The following ZNF385D variants were observed in gnomAD, a reference collection of about 807,000 sequenced individuals.
The protein encoded by ZNF385D is zinc finger protein 659.
A neutral mutation model predicts 35.8 loss-of-function variants in ZNF385D; 15 were observed. That is an observed-to-expected ratio of 0.42 (90% CI 0.28 to 0.64). The LOEUF (loss-of-function observed/expected upper bound fraction) is 0.64, where lower values mean the gene tolerates loss of function less well. Among genes scored for constraint, ZNF385D ranks in the 30% least tolerant of loss-of-function variants. The probability of loss-of-function intolerance (pLI) is 0.23; values close to 1 mark genes in which losing one functional copy is unlikely to be tolerated. For missense variants in ZNF385D, 474 were observed against 494.6 expected (o/e 0.96, Z 0.39); for synonymous variants, 212 against 186.8 (o/e 1.13, Z -1.10).
chr3:21,454,289 G>A (rs1383598301), intron 4 of ZNF385D, among the ~76,000 whole-genome samples: 3 of 145,172 alleles, frequency 2.1e-5, no homozygotes, highest in African/African-American at 7.4e-5. Context: ...GCATAACATT[G>A]TGAATATAGT....
At chr3:21,605,360 T>G (rs1469912641) in intron 2 of ZNF385D, among the ~76,000 whole-genome samples, 1 of 152,058 alleles carries the variant, frequency 6.6e-6, no homozygotes. Flanking sequence ...GGGGACAGAG[T>G]GAAGAAATCA....
In ZNF385D at chr3:22,149,266, T is replaced by C. The variant is rs76509892; in HGVS notation, c.325+19551A>G. Among the ~76,000 whole-genome samples, 835 of 152,300 alleles carry C rather than the reference T, an allele frequency of 5.5e-3. 5 individuals carry two copies. The highest frequency in any genetic ancestry group is 0.018 in the African/African-American group (732 of 41,570). ...TTATATACATGTTAGTATCCCAACCTTGATTTTTCTTCCTGCTGATTGTAG... is the reference window on the plus strand; with the variant it reads ...TTATATACATGTTAGTATCCCAACCCTGATTTTTCTTCCTGCTGATTGTAG... On this transcript the variant is annotated intron_variant, in intron 3 of 5. Coordinates refer to the ZNF385D transcript ENST00000494108.
chr3:21,546,428 AAGCCTAACTAT>A (rs1412399487), intron 3 of ZNF385D, among the ~76,000 whole-genome samples: 2 of 152,186 alleles, frequency 1.3e-5, no homozygotes, highest in East Asian at 3.9e-4. Context: ...AAATCCCAGC[AAGCCTAACTAT>A]AGCCAGCAGT....
intron 3 of ZNF385D, among the ~76,000 whole-genome samples, chr3:22,099,457 C>T (rs888745110): frequency 6.6e-6 from 1 of 152,012 alleles, no homozygotes; most frequent in East Asian, 1.9e-4. Flanking sequence ...AAGCAATGTT[C>T]TCCAGCTTGT....
chr3:21,862,546 C>T (rs1438575148), intron 3 of ZNF385D, among the ~76,000 whole-genome samples: 1 of 152,198 alleles, frequency 6.6e-6, no homozygotes, highest in East Asian at 1.9e-4. Flanking sequence ...CCATTGCCAA[C>T]TTGTGGCACA....
intron 3 of ZNF385D, among the ~76,000 whole-genome samples, chr3:21,831,188 G>A (rs1372594761): frequency 1.3e-5 from 2 of 151,578 alleles, no homozygotes; most frequent in East Asian, 1.9e-4. Flanking sequence ...TTTCTTTTTT[G>A]TTACCTGGAA....
At chr3:21,945,181 G>A (rs1433605262) in intron 3 of ZNF385D, among the ~76,000 whole-genome samples, 4 of 108,246 alleles carry the variant, frequency 3.7e-5, no homozygotes, top group Admixed American at 1.1e-4. Context: ...TATAGTGAGA[G>A]AGAGAGAGAC....
At chr3:22,304,128 T>C (rs1402807404) in intron 2 of ZNF385D, among the ~76,000 whole-genome samples, 1 of 152,200 alleles carries the variant, frequency 6.6e-6, no homozygotes, top group African/African-American at 2.4e-5. Context: ...AATAAAAATC[T>C]GGCTTAGGTC....
At chr3:22,292,526 G>T (rs779945832) in intron 2 of ZNF385D, among the ~76,000 whole-genome samples, 3 of 152,058 alleles carry the variant, frequency 2.0e-5, no homozygotes, top group Non-Finnish European at 2.9e-5. Flanking sequence ...AACTATGTGA[G>T]AGATTTTGTA....
intron 3 of ZNF385D, among the ~76,000 whole-genome samples, chr3:22,091,426 C>T (rs967703934): frequency 6.6e-6 from 1 of 152,120 alleles, no homozygotes; most frequent in African/African-American, 2.4e-5. Flanking sequence ...AAAGATAGCA[C>T]ATAATCATCA....
At chr3:21,670,660 CCCCCCCCCCCCCCAAT>C (rs1559505435) in intron 1 of ZNF385D, among the ~76,000 whole-genome samples, 6 of 8,056 alleles carry the variant, frequency 7.4e-4, no homozygotes, top group Admixed American at 1.9e-3. Flanking sequence ...GCCCCCCCCC[CCCCCCCCCCCCCCAAT>C]GACTGAACGA....
intron 3 of ZNF385D, among the ~76,000 whole-genome samples, chr3:21,813,745 C>T (rs1370804872): frequency 7.2e-5 from 11 of 152,114 alleles, no homozygotes; most frequent in East Asian, 1.9e-4. Flanking sequence ...CTGACAGTGA[C>T]GGGGAGAATG....
intron 3 of ZNF385D, among the ~76,000 whole-genome samples, chr3:21,783,038 T>C (rs763418874): frequency 6.6e-6 from 1 of 152,158 alleles, no homozygotes; most frequent in Non-Finnish European, 1.5e-5. Flanking sequence ...TACCCTGCTA[T>C]TCTTGCTAGA....
At chr3:21,742,424 CA>C (rs2069560587) in intron 1 of ZNF385D, among the ~76,000 whole-genome samples, 1 of 152,208 alleles carries the variant, frequency 6.6e-6, no homozygotes, top group African/African-American at 2.4e-5. Context: ...ACTTATAGAT[CA>C]GGGGCAAGAT....
At chr3:21,611,282 T>C (rs1020997112) in intron 2 of ZNF385D, among the ~76,000 whole-genome samples, 9 of 152,188 alleles carry the variant, frequency 5.9e-5, no homozygotes, top group Non-Finnish European at 7.3e-5. Flanking sequence ...AGATATGTAT[T>C]ATCATTTCCC....
At chr3:21,758,064 C>G (rs1254776133) in intron 3 of ZNF385D, among the ~76,000 whole-genome samples, 1 of 152,180 alleles carries the variant, frequency 6.6e-6, no homozygotes, top group Non-Finnish European at 1.5e-5. Context: ...CTACCTGAAT[C>G]TCAGATACTT....
chr3:21,871,870 G>A (rs1169678457), intron 3 of ZNF385D, among the ~76,000 whole-genome samples: 13 of 151,840 alleles, frequency 8.6e-5, no homozygotes, highest in African/African-American at 3.1e-4. Flanking sequence ...GCCGACAGGC[G>A]CCTGTAATCC....
chr3:22,006,241 T>G (rs374013775), intron 3 of ZNF385D, among the ~76,000 whole-genome samples: 1 of 152,134 alleles, frequency 6.6e-6, no homozygotes, highest in East Asian at 1.9e-4. Flanking sequence ...AACTACTTAG[T>G]GTATCTGTGG....
chr3:21,970,799 G>A (rs1703202195), intron 3 of ZNF385D, among the ~76,000 whole-genome samples: 1 of 151,906 alleles, frequency 6.6e-6, no homozygotes, highest in African/African-American at 2.4e-5. Context: ...CATAAAGAAA[G>A]GATCCCACAA....
Sources: allele counts gnomAD v4.1 joint callset (sites outside exome capture counted in the v4.1 genomes callset), GRCh38; gene constraint gnomAD v4.1.1; transcripts MANE v1.5; gene names NCBI Gene and HGNC (gene_info 2026-07-23, HGNC 2026-07-21).